The following ACP7 variants were observed in gnomAD, a reference collection of about 807,000 sequenced individuals.
ACP7 encodes acid phosphatase type 7.
In ACP7, 58 loss-of-function variants were observed where a neutral mutation model predicts 60.6. That is an observed-to-expected ratio of 0.96 (90% CI 0.77 to 1.19). The LOEUF is 1.19. Among genes scored for constraint, ACP7 ranks in the 50% most tolerant of loss-of-function variants. ACP7 has a pLI of 0.00. For synonymous variants in ACP7, 237 were observed against 232.6 expected (o/e 1.02, Z -0.17); for missense variants, 574 against 596.2 (o/e 0.96, Z 0.39).
At chr19:39,091,520 T>C (rs548071991) in intron 2 of ACP7, among the ~76,000 whole-genome samples, 61 of 152,346 alleles carry the variant, frequency 4.0e-4, no homozygotes, top group African/African-American at 1.3e-3. Flanking sequence ...GGTGTGCTCA[T>C]TGCCACTGGG....
chr19:39,101,980 C>T (rs1353606573), intron 11 of ACP7, among the ~76,000 whole-genome samples: 4 of 151,182 alleles, frequency 2.6e-5, no homozygotes, highest in Non-Finnish European at 4.4e-5. Context: ...ATTAGCTGGG[C>T]GAGGTGGTGC....
At chr19:39,099,221 G>A (rs1344087213) in intron 4 of ACP7, 79 bp downstream of exon 4, 3 of 1,365,864 alleles carry the variant, frequency 2.2e-6, no homozygotes, top group Middle Eastern at 2.7e-4. Flanking sequence ...GGTCGGGGGC[G>A]CGCGGGTCGG....
chr19:39,093,739 C>T (rs374690233), intron 2 of ACP7, among the ~76,000 whole-genome samples: 3 of 152,264 alleles, frequency 2.0e-5, no homozygotes, highest in East Asian at 3.9e-4. Flanking sequence ...AGTAATTCAT[C>T]TCTTTAGTAC....
At chr19:39,094,735 G>GTATATT (rs2073247138) in intron 2 of ACP7, among the ~76,000 whole-genome samples, 1 of 152,156 alleles carries the variant, frequency 6.6e-6, no homozygotes, top group South Asian at 2.1e-4. Context: ...GCTGAGGCGG[G>GTATATT]AGGATCACTT....
chr19:39,100,963 C>T lies in ACP7; in HGVS notation c.822C>T (p.Asn274=). 6.2e-7 allele frequency: 1 copy of T among 1,607,150 alleles called. No homozygotes were observed. The highest frequency in any genetic ancestry group is 2.2e-5 in the East Asian group (1 of 44,474). ...LESDLQKANK[N]RAARPWIITM... ...CTTCTCCCTAGAAAGCCAATAAGAA[C>T]CGGGCAGCCCGGCCGTGGATCATCA... The change falls in exon 8 of 13, where the codon AAC becomes AAT. Residue 274 remains asparagine (N), a synonymous_variant. Coordinates refer to ENST00000331256, the MANE Select transcript of ACP7 (RefSeq NM_001004318.3).
intron 11 of ACP7, among the ~76,000 whole-genome samples, 156 bp downstream of exon 11, chr19:39,101,693 G>A (rs1440919489): frequency 1.3e-5 from 2 of 152,106 alleles, no homozygotes; most frequent in Non-Finnish European, 2.9e-5. Flanking sequence ...TTCATTGGAC[G>A]GATGTAGGAA....
intron 2 of ACP7, among the ~76,000 whole-genome samples, chr19:39,090,477 T>C (rs1405860316): frequency 6.6e-6 from 1 of 150,860 alleles, no homozygotes; most frequent in African/African-American, 2.4e-5. Context: ...CCAATAACTT[T>C]TAATTAATTA....
At chr19:39,090,850 T>C (rs904791298) in intron 2 of ACP7, among the ~76,000 whole-genome samples, 1 of 150,704 alleles carries the variant, frequency 6.6e-6, no homozygotes, top group Admixed American at 6.7e-5. Context: ...TTCCATCTAA[T>C]TGAAATTTTA....
At chr19:39,089,524 C>A (rs556528773) in intron 2 of ACP7, among the ~76,000 whole-genome samples, 8 of 152,256 alleles carry the variant, frequency 5.3e-5, no homozygotes, top group African/African-American at 1.9e-4. Flanking sequence ...AAGATTGGTA[C>A]AATCCTGTTA....
intron 12 of ACP7, among the ~76,000 whole-genome samples, chr19:39,107,425 A>C (rs1054440828): frequency 6.6e-6 from 1 of 151,830 alleles, no homozygotes; most frequent in Admixed American, 6.6e-5. Flanking sequence ...TACTAAAAAT[A>C]CAAAAAAAAT....
At chr19:39,107,500 C>T (rs796873370) in intron 12 of ACP7, among the ~76,000 whole-genome samples, 15 of 147,110 alleles carry the variant, frequency 1.0e-4, no homozygotes, top group African/African-American at 2.5e-4. Context: ...AGGAGAATGG[C>T]GTGAACCCGG....
At chr19:39,090,241 T>C (rs575755183) in intron 2 of ACP7, among the ~76,000 whole-genome samples, 1 of 152,258 alleles carries the variant, frequency 6.6e-6, no homozygotes, top group African/African-American at 2.4e-5. Context: ...CAATCTCGGC[T>C]CACTGGAACC....
At chr19:39,101,664 G>A (rs2073347777) in intron 11 of ACP7, 127 bp downstream of exon 11, 4 of 1,018,574 alleles carry the variant, frequency 3.9e-6, no homozygotes, top group Non-Finnish European at 5.7e-6. Flanking sequence ...CCCTAAGGTC[G>A]GGAACTCCTA....
Position 39,107,055 on chromosome 19 carries a change from A to G in ACP7, c.1222A>G (p.Ile408Val). ...TRLHILNGTHIHIQQVSDDQD... is the reference protein window; with the variant it reads ...TRLHILNGTHVHIQQVSDDQD... The stretch of plus-strand genomic sequence containing the variant: ...GCTGCACATCCTCAACGGGACCCAC[A>G]TCCACATCCAGCAGGTGTCGGACGA... The change falls in exon 12 of 13, where the codon ATC (isoleucine) becomes GTC (valine). Residue 408 changes from isoleucine to valine, a missense_variant. Transcript: ENST00000331256. 1.9e-6 allele frequency: 3 copies of G among 1,614,010 alleles called. No homozygotes were observed. The highest frequency in any genetic ancestry group is 2.5e-6 in the Non-Finnish European group (3 of 1,179,982).
At chr19:39,102,120 TCACA>T (rs561424510) in intron 11 of ACP7, among the ~76,000 whole-genome samples, 196 of 145,846 alleles carry the variant, frequency 1.3e-3, no homozygotes, top group East Asian at 7.7e-3. Context: ...ACCCTTTCTC[TCACA>T]CACACACACA....
chr19:39,104,119 T>C (rs2073387306), intron 11 of ACP7, among the ~76,000 whole-genome samples: 1 of 151,400 alleles, frequency 6.6e-6, no homozygotes, highest in African/African-American at 2.4e-5. Flanking sequence ...TGTATACATA[T>C]ATATAAAAGT....
chr19:39,106,902 G>T lies in ACP7; in HGVS notation c.1114-45G>T, dbSNP rs375196168. The T allele has an allele frequency of 3.1e-5, 50 of 1,606,528 alleles. No homozygotes were observed. The African/African-American group carries it at 5.9e-4, about 19-fold the overall frequency. On this transcript the variant is annotated intron_variant, in intron 11 of 12. Coordinates refer to ENST00000331256, the MANE Select transcript of ACP7 (RefSeq NM_001004318.3). ...TAGCAGGTCATTTCTGCTTCCCCGC[G>T]GGTCCTCCACCTGCTCTGGGTCTGA...
chr19:39,086,944 T>C (rs745842693), intron 2 of ACP7, among the ~76,000 whole-genome samples: 21 of 152,198 alleles, frequency 1.4e-4, no homozygotes, highest in Non-Finnish European at 2.9e-4. Flanking sequence ...GAACAAACTG[T>C]ATTTTGCAAA....
At chr19:39,103,767 G>A (rs11670366) in intron 11 of ACP7, among the ~76,000 whole-genome samples, 79,628 of 151,880 alleles carry the variant, frequency 0.52, 21,914 homozygotes, top group East Asian at 0.64. Flanking sequence ...AGTCAAAGCT[G>A]CAATGAGCTG....
Sources: gnomAD v4.1 joint callset for allele counts (sites outside exome capture counted in the v4.1 genomes callset) on GRCh38, gnomAD v4.1.1 for gene constraint, MANE v1.5 for transcripts, NCBI Gene and HGNC (gene_info 2026-07-23, HGNC 2026-07-21) for gene names.